ST3GAL3: variants seen among roughly 807,000 people sequenced by gnomAD.
The protein encoded by ST3GAL3 is CMP-N-acetylneuraminate-beta-1,4-galactoside alpha-2,3-sialyltransferase.
ST3GAL3 carries 21 observed loss-of-function variants against 50.1 expected under a neutral mutation model. That is an observed-to-expected ratio of 0.42 (90% CI 0.30 to 0.60). The LOEUF is 0.60. ST3GAL3 is among the 20% of genes least tolerant of loss of function. The pLI is 0.19. For missense variants in ST3GAL3, 353 were observed against 489.4 expected, an observed-to-expected ratio of 0.72 and a Z score of 2.63; for synonymous variants, 183 against 190.0, an observed-to-expected ratio of 0.96 and a Z score of 0.30.
At chr1:43,769,807 T>G (rs1440550569) in intron 2 of ST3GAL3, among the ~76,000 whole-genome samples, 1 of 152,208 alleles carries the variant, frequency 6.6e-6, no homozygotes, top group Non-Finnish European at 1.5e-5. Context: ...TTCAAGCTTG[T>G]TTTTAGGTAT....
intron 3 of ST3GAL3, among the ~76,000 whole-genome samples, chr1:43,807,433 T>TAAATAAAC (rs1465643756): frequency 6.6e-6 from 1 of 150,922 alleles, no homozygotes; most frequent in Non-Finnish European, 1.5e-5. Flanking sequence ...AATAAATAAA[T>TAAATAAAC]AAATAAATAA....
At chr1:43,753,376 T>G (rs1163308957) in intron 2 of ST3GAL3, among the ~76,000 whole-genome samples, 2 of 152,222 alleles carry the variant, frequency 1.3e-5, no homozygotes, top group Admixed American at 6.5e-5. Flanking sequence ...ATTTTGTGGG[T>G]TTCTAGTAAC....
intron 2 of ST3GAL3, chr1:43,736,679 GTTCT>G (rs1202811906): frequency 6.3e-6 from 3 of 473,148 alleles, no homozygotes; most frequent in Non-Finnish European, 7.7e-6. Context: ...GAACGCTTTT[GTTCT>G]TTCTAATTGC....
intron 5 of ST3GAL3, among the ~76,000 whole-genome samples, chr1:43,851,874 G>A (rs143405139): frequency 3.3e-5 from 5 of 152,316 alleles, no homozygotes; most frequent in South Asian, 2.1e-4. Context: ...GTGACTGGCC[G>A]CACCAACCCC....
chr1:43,885,333 AAGGAT>A (rs1441937565), intron 5 of ST3GAL3, among the ~76,000 whole-genome samples: 1 of 152,178 alleles, frequency 6.6e-6, no homozygotes, highest in Non-Finnish European at 1.5e-5. Flanking sequence ...TCTAAGGAGA[AAGGAT>A]AGGCAAGTTC....
chr1:43,871,278 A>G (rs1297095167), intron 5 of ST3GAL3, among the ~76,000 whole-genome samples: 1 of 152,212 alleles, frequency 6.6e-6, no homozygotes, highest in African/African-American at 2.4e-5. Context: ...TGTAACAACG[A>G]GGGGACCAGA....
intron 5 of ST3GAL3, among the ~76,000 whole-genome samples, chr1:43,873,979 G>A (rs895910521): frequency 6.6e-6 from 1 of 152,034 alleles, no homozygotes; most frequent in Non-Finnish European, 1.5e-5. Flanking sequence ...GGGACATTGA[G>A]GGAGCAACTG....
At chr1:43,779,999 A>G (rs7546818) in intron 2 of ST3GAL3, among the ~76,000 whole-genome samples, 54,759 of 151,924 alleles carry the variant, frequency 0.36, 10,065 homozygotes, top group East Asian at 0.53. Flanking sequence ...GTAGCTGCAC[A>G]TCTGTGGTCT....
chr1:43,832,236 G>C (rs2063639784), intron 4 of ST3GAL3, among the ~76,000 whole-genome samples: 1 of 152,168 alleles, frequency 6.6e-6, no homozygotes, highest in Non-Finnish European at 1.5e-5. Context: ...GTTAATGTCA[G>C]CTCCACAATC....
chr1:43,849,238 CT>C lies in ST3GAL3; in HGVS notation c.302+10939del, dbSNP rs569376533. On this transcript the variant is annotated intron_variant, in intron 5 of 11. Transcript: ENST00000347631. The stretch of plus-strand genomic sequence containing the variant: ...AGGAATGAGGTTGAGATCTAGGGTT[CT>C]TTTTTTTTTTTCATATGGGTAGCTA... Among the ~76,000 whole-genome samples, 463 of 132,276 alleles carry C rather than the reference CT, an allele frequency of 3.5e-3. 1 individual carries two copies. The highest frequency in any genetic ancestry group is 8.5e-3 in the African/African-American group (310 of 36,528). The allele number at this position is 132,276 out of a possible 152,430, so 86.8% of individuals were successfully genotyped here. A position where few individuals can be genotyped will look rare whatever the true frequency, so the allele number is the denominator to read the frequency against.
At chr1:43,817,606 T>C (rs2061492077) in intron 4 of ST3GAL3, among the ~76,000 whole-genome samples, 1 of 52,092 alleles carries the variant, frequency 1.9e-5, no homozygotes, top group Non-Finnish European at 4.6e-5. Flanking sequence ...TCCCTTCTCC[T>C]TCTCCTCCTT....
chr1:43,741,075 T>C (rs1680725143), intron 2 of ST3GAL3, among the ~76,000 whole-genome samples: 1 of 152,068 alleles, frequency 6.6e-6, no homozygotes. Context: ...GCCTATAATC[T>C]CAGCACTTTT....
chr1:43,740,409 C>T (rs540422524), intron 2 of ST3GAL3, among the ~76,000 whole-genome samples: 59 of 151,774 alleles, frequency 3.9e-4, no homozygotes, highest in Non-Finnish European at 4.9e-4. Context: ...GTATAGGAGT[C>T]GGGTAGTTGC....
chr1:43,747,641 C>T (rs1233227427), intron 2 of ST3GAL3, among the ~76,000 whole-genome samples: 1 of 144,812 alleles, frequency 6.9e-6, no homozygotes, highest in Non-Finnish European at 1.5e-5. Flanking sequence ...CCTGCAATGG[C>T]ACCATCTTGG....
chr1:43,889,317 G>A (rs1360504734), intron 5 of ST3GAL3, among the ~76,000 whole-genome samples: 1 of 152,034 alleles, frequency 6.6e-6, no homozygotes, highest in Non-Finnish European at 1.5e-5. Flanking sequence ...GAAGTAACGG[G>A]ACAGAGATGA....
intron 2 of ST3GAL3, among the ~76,000 whole-genome samples, chr1:43,739,651 A>C (rs955971206): frequency 6.6e-6 from 1 of 152,242 alleles, no homozygotes; most frequent in African/African-American, 2.4e-5. Context: ...TATGAGAACA[A>C]AACACAACAA....
intron 2 of ST3GAL3, among the ~76,000 whole-genome samples, chr1:43,747,343 C>A (rs916694241): frequency 6.6e-6 from 1 of 151,762 alleles, no homozygotes; most frequent in African/African-American, 2.4e-5. Flanking sequence ...ACCCAGGAGG[C>A]GGATATTGCA....
chr1:43,742,736 A>T (rs796535988), intron 2 of ST3GAL3, among the ~76,000 whole-genome samples: 2 of 152,222 alleles, frequency 1.3e-5, no homozygotes, highest in African/African-American at 4.8e-5. Flanking sequence ...AGAGAAATGG[A>T]ATCTATAAAA....
chr1:43,713,463 T>C (rs1208198184), intron 1 of ST3GAL3, among the ~76,000 whole-genome samples: 1 of 152,058 alleles, frequency 6.6e-6, no homozygotes, highest in East Asian at 1.9e-4. Flanking sequence ...TATTACCTGG[T>C]TCATGGTAGG....
Sources: gnomAD v4.1 joint callset for allele counts (sites outside exome capture counted in the v4.1 genomes callset) on GRCh38, gnomAD v4.1.1 for gene constraint, MANE v1.5 for transcripts, NCBI Gene and HGNC (gene_info 2026-07-23, HGNC 2026-07-21) for gene names.